The following GOLM2 variants were observed in gnomAD, a reference collection of about 807,000 sequenced individuals.
The protein encoded by GOLM2 is protein GOLM2.
GOLM2 carries 26 observed loss-of-function variants against 55.9 expected under a neutral mutation model. The observed-to-expected ratio is 0.47, with a 90% CI of 0.34 to 0.65. GOLM2 has a LOEUF of 0.65. Ranked by LOEUF, GOLM2 falls within the 30% of genes least tolerant of loss-of-function variation. The pLI is 0.01. For missense variants in GOLM2, 486 were observed against 531.8 expected (o/e 0.91, Z 0.85); for synonymous variants, 165 against 194.6 (o/e 0.85, Z 1.27).
chr15:44,375,477 C>T (rs1369206979), intron 6 of GOLM2, among the ~76,000 whole-genome samples: 1 of 152,122 alleles, frequency 6.6e-6, no homozygotes, highest in Non-Finnish European at 1.5e-5. Context: ...TTAGTACTTT[C>T]TTATCTGAAG....
Position 44,289,925 on chromosome 15 carries a change from G to C in GOLM2, c.327+569G>C. ...AAAATGTTATGATAGATGGGCCCTC[G>C]AGCTATATGTGAGACACACTTGTGT... On this transcript the variant is annotated intron_variant, in intron 1 of 9. Coordinates refer to ENST00000299957, the MANE Select transcript of GOLM2 (RefSeq NM_138423.4). The surrounding 1 kb of genome is among the most constrained non-coding windows in gnomAD (Gnocchi z 4.8). Among the ~76,000 whole-genome samples, 1 of 152,094 alleles carries C rather than the reference G, an allele frequency of 6.6e-6. No individual in the cohort carries two copies. The highest frequency in any genetic ancestry group is 1.9e-4 in the East Asian group (1 of 5,206).
chr15:44,322,833 A>G, intron 1 of GOLM2, 132 bp from the exon 2 acceptor site: 1 of 530,572 alleles, frequency 1.9e-6, no homozygotes, highest in Non-Finnish European at 3.4e-6. Flanking sequence ...TTTTTTTGGA[A>G]AGAGGTAGAG....
chr15:44,339,309 A>G (rs1241038343), intron 6 of GOLM2, among the ~76,000 whole-genome samples: 1 of 152,178 alleles, frequency 6.6e-6, no homozygotes, highest in Non-Finnish European at 1.5e-5. Context: ...TTTGTAAGAC[A>G]ATGAAGTAAT....
At chr15:44,304,130 TC>T (rs1190154206) in intron 1 of GOLM2, among the ~76,000 whole-genome samples, 1 of 146,646 alleles carries the variant, frequency 6.8e-6, no homozygotes, top group Non-Finnish European at 1.5e-5. Context: ...CACCTCAACC[TC>T]CCAAAGTCCT....
At chr15:44,411,013 C>CT (rs201998296) in intron 9 of GOLM2, among the ~76,000 whole-genome samples, 4,801 of 81,298 alleles carry the variant, frequency 0.059, 700 homozygotes, top group Non-Finnish European at 0.088. Flanking sequence ...GTTTGTTTGA[C>CT]TTTTTTTTTT....
Position 44,413,504 on chromosome 15 carries a change from T to C in GOLM2, c.*98T>C. The C allele has an allele frequency of 1.2e-6, 1 of 856,180 alleles. No individual in the cohort carries two copies. Among genetic ancestry groups the C allele is most frequent in the Non-Finnish European group, 1.9e-6 (1 of 526,936 alleles). The allele number at this position is 856,180 out of a possible 1,614,324, so 53.0% of individuals were successfully genotyped here. On this transcript the variant is annotated 3_prime_UTR_variant, in exon 10 of 10. Coordinates refer to ENST00000299957, the MANE Select transcript of GOLM2 (RefSeq NM_138423.4). ...TTGTTGTAAAGACGAATTGTATCAG[T>C]TGTAAAGATACATTGAGATAGAATT...
chr15:44,405,723 C>G (rs893390685), intron 9 of GOLM2, among the ~76,000 whole-genome samples: 1 of 151,992 alleles, frequency 6.6e-6, no homozygotes. Flanking sequence ...TAGGTTCAAG[C>G]GATTCTCCTG....
chr15:44,398,702 G>C (rs1479513545), intron 8 of GOLM2, among the ~76,000 whole-genome samples: 3 of 88,648 alleles, frequency 3.4e-5, no homozygotes, highest in Non-Finnish European at 6.1e-5. Context: ...TTTCACTCTT[G>C]TTGCCCAGGC....
chr15:44,311,592 G>T (rs1183899442), intron 1 of GOLM2, among the ~76,000 whole-genome samples: 1 of 151,986 alleles, frequency 6.6e-6, no homozygotes, highest in Admixed American at 6.6e-5. Context: ...CAATGTTAAT[G>T]AACTATCAAA....
intron 8 of GOLM2, chr15:44,382,064 G>C (rs1295910308): frequency 6.6e-6 from 1 of 151,404 alleles, no homozygotes; most frequent in South Asian, 2.1e-4. Flanking sequence ...CTTTTTTTCT[G>C]TTTTCTTCAA....
At chr15:44,298,430 A>ATT (rs1233048546) in intron 1 of GOLM2, among the ~76,000 whole-genome samples, 17 of 133,192 alleles carry the variant, frequency 1.3e-4, no homozygotes, top group Admixed American at 3.0e-4. Flanking sequence ...TGGCCGGCTA[A>ATT]TTTTTTTTTT....
intron 6 of GOLM2, among the ~76,000 whole-genome samples, chr15:44,343,162 A>G (rs895505076): frequency 1.3e-5 from 2 of 151,286 alleles, no homozygotes; most frequent in African/African-American, 2.4e-5. Context: ...GTGAAACCCC[A>G]TCTCTGCTAA....
chr15:44,329,561 C>T (rs993392987), intron 3 of GOLM2, among the ~76,000 whole-genome samples: 1 of 152,128 alleles, frequency 6.6e-6, no homozygotes, highest in African/African-American at 2.4e-5. Flanking sequence ...TTAGTCTCTT[C>T]CAATTGTGGG....
intron 1 of GOLM2, among the ~76,000 whole-genome samples, chr15:44,306,124 G>A (rs553534709): frequency 1.2e-4 from 19 of 152,274 alleles, no homozygotes; most frequent in Admixed American, 2.6e-4. Context: ...TGACTTCTCT[G>A]CAGCTATGAA....
intron 6 of GOLM2, among the ~76,000 whole-genome samples, chr15:44,341,315 TG>T (rs1436636384): frequency 6.6e-6 from 1 of 151,940 alleles, no homozygotes; most frequent in East Asian, 1.9e-4. Context: ...CTCCCAACCT[TG>T]TGATCCGCCT....
Position 44,288,825 on chromosome 15 carries a change from T to C in GOLM2, c.-205T>C, listed in dbSNP as rs1221849610. 10 of 579,332 alleles carry C rather than the reference T, an allele frequency of 1.7e-5. No homozygotes were observed. The highest frequency in any genetic ancestry group is 2.4e-5 in the Non-Finnish European group (8 of 329,932). The allele number at this position is 579,332 out of a possible 1,614,324, so 35.9% of individuals were successfully genotyped here. A position where few individuals can be genotyped will look rare whatever the true frequency, so the allele number is the denominator to read the frequency against. ...CGGGTTCAAAGCCTCCGGAACGCGT[T>C]TTGGCCTGATTTGAGGAGGGGGGCG... On this transcript the variant is annotated 5_prime_UTR_variant, in exon 1 of 10. Transcript: ENST00000299957.
chr15:44,345,615 G>GTAT (rs1401104458), intron 6 of GOLM2, among the ~76,000 whole-genome samples: 2 of 152,018 alleles, frequency 1.3e-5, no homozygotes, highest in African/African-American at 4.8e-5. Flanking sequence ...TATCTTCTCT[G>GTAT]TATTATACCT....
chr15:44,370,544 T>G (rs1024685682), intron 6 of GOLM2, among the ~76,000 whole-genome samples: 3 of 152,132 alleles, frequency 2.0e-5, no homozygotes, highest in African/African-American at 7.2e-5. Context: ...GCCTGGGCAC[T>G]AGAACAAACC....
intron 9 of GOLM2, among the ~76,000 whole-genome samples, chr15:44,411,222 A>G (rs1200976643): frequency 2.0e-5 from 3 of 151,320 alleles, no homozygotes; most frequent in Non-Finnish European, 2.9e-5. Context: ...GGGTTTCAGC[A>G]TGTTGCCCAG....
Sources: allele counts gnomAD v4.1 joint callset (sites outside exome capture counted in the v4.1 genomes callset), GRCh38; gene constraint gnomAD v4.1.1; non-coding constraint Gnocchi (gnomAD v3.1); transcripts MANE v1.5; gene names NCBI Gene and HGNC (gene_info 2026-07-23, HGNC 2026-07-21).